The following BCL11B variants were observed in gnomAD, a reference collection of about 807,000 sequenced individuals.
The protein encoded by BCL11B is B-cell lymphoma/leukemia 11B.
BCL11B carries 8 observed loss-of-function variants against 49.9 expected under a neutral mutation model. That is an observed-to-expected ratio of 0.16 (90% CI 0.09 to 0.29). BCL11B has a LOEUF of 0.29. Among genes scored for constraint, BCL11B ranks in the 10% least tolerant of loss-of-function variants. The pLI is 1.00. For synonymous variants in BCL11B, 739 were observed against 637.4 expected (o/e 1.16, Z -2.40); for missense variants, 1,006 against 1,351.0 (o/e 0.74, Z 4.00).
intron 3 of BCL11B, among the ~76,000 whole-genome samples, chr14:99,179,388 C>T (rs1469778465): frequency 2.0e-5 from 3 of 146,388 alleles, no homozygotes; most frequent in Admixed American, 7.0e-5. Context: ...GCAGGAGAAT[C>T]GCTTGAACCC....
chr14:99,196,363 A>C (rs1887179331), intron 3 of BCL11B, among the ~76,000 whole-genome samples: 1 of 151,906 alleles, frequency 6.6e-6, no homozygotes, highest in Non-Finnish European at 1.5e-5. Flanking sequence ...CCTTCTGTGG[A>C]CCTGAAAAAA....
intron 2 of BCL11B, among the ~76,000 whole-genome samples, chr14:99,249,740 A>T (rs1888947464): frequency 6.6e-6 from 1 of 152,202 alleles, no homozygotes; most frequent in Non-Finnish European, 1.5e-5. Context: ...ATATTAGCAT[A>T]TCATAAGGTC....
chr14:99,253,220 A>G (rs1408082191), intron 2 of BCL11B, among the ~76,000 whole-genome samples: 1 of 152,166 alleles, frequency 6.6e-6, no homozygotes, highest in Non-Finnish European at 1.5e-5. Flanking sequence ...GTGCTCCCTC[A>G]CCTGAAACCC....
At chr14:99,198,797 G>T (rs985369245) in intron 3 of BCL11B, among the ~76,000 whole-genome samples, 1 of 152,012 alleles carries the variant, frequency 6.6e-6, no homozygotes, top group African/African-American at 2.4e-5. Flanking sequence ...CCCCACCCCC[G>T]GTCAGCACAG....
Position 99,171,504 on chromosome 14 carries a change from C to T in BCL11B, c.*2647G>A, listed in dbSNP as rs1393615984. 7.7e-5 allele frequency: 16 copies of T among 208,218 alleles called. No individual in the cohort carries two copies. Among genetic ancestry groups the T allele is most frequent in the Admixed American group, 6.0e-5 (1 of 16,804 alleles). The allele number at this position is 208,218 out of a possible 1,614,324, so 12.9% of individuals were successfully genotyped here. On this transcript the variant is annotated 3_prime_UTR_variant, in exon 4 of 4. Coordinates refer to ENST00000357195, the MANE Select transcript of BCL11B (RefSeq NM_138576.4). The stretch of plus-strand genomic sequence containing the variant: ...GGACAAGCTTACAGTTAAAAAATTA[C>T]GAGCTCCAGTAAAAATACAGCAAGT...
intron 1 of BCL11B, among the ~76,000 whole-genome samples, chr14:99,261,666 G>A (rs115882861): frequency 4.5e-4 from 69 of 152,338 alleles, no homozygotes; most frequent in African/African-American, 1.6e-3. Flanking sequence ...CTGCTTTCAT[G>A]AAAAGCTCCC....
At chr14:99,206,717 ATTG>A (rs1489683757) in intron 3 of BCL11B, among the ~76,000 whole-genome samples, 3 of 152,220 alleles carry the variant, frequency 2.0e-5, no homozygotes, top group Non-Finnish European at 4.4e-5. Flanking sequence ...ATTATTAATT[ATTG>A]TTGTTAATCT....
intron 2 of BCL11B, among the ~76,000 whole-genome samples, chr14:99,234,118 G>T (rs1457481341): frequency 6.6e-6 from 1 of 152,092 alleles, no homozygotes; most frequent in Non-Finnish European, 1.5e-5. Flanking sequence ...GCAAATCCAC[G>T]GACACAGAAA....
Position 99,232,850 on chromosome 14 carries a change from T to A in BCL11B, c.428-1293A>T, listed in dbSNP as rs1372044332. Among the ~76,000 whole-genome samples the A allele has an allele frequency of 6.6e-6, 1 of 151,980 alleles. No homozygotes were observed. Among genetic ancestry groups the A allele is most frequent in the Non-Finnish European group, 1.5e-5 (1 of 67,998 alleles). On this transcript the variant is annotated intron_variant, in intron 2 of 3. Coordinates refer to ENST00000357195, the MANE Select transcript of BCL11B (RefSeq NM_138576.4). The surrounding 1 kb of genome is among the most constrained non-coding windows in gnomAD (Gnocchi z 5.1). ...AGCCCTGGTTTCTCTAAAACATGGGTTATCCAGGATCAAGGCATCAGGGCA... is the reference window on the plus strand; with the variant it reads ...AGCCCTGGTTTCTCTAAAACATGGGATATCCAGGATCAAGGCATCAGGGCA...
At position 99,184,748 on chromosome 14, in the gene BCL11B, C is replaced by G. The variant is rs1034220968; in HGVS notation, c.641-8553G>C. Among the ~76,000 whole-genome samples the G allele has an allele frequency of 1.1e-4, 17 of 152,178 alleles. No homozygotes were observed. Among genetic ancestry groups the G allele is most frequent in the African/African-American group, 4.1e-4 (17 of 41,446 alleles). On this transcript the variant is annotated intron_variant, in intron 3 of 3. Coordinates refer to ENST00000357195, the MANE Select transcript of BCL11B (RefSeq NM_138576.4). This position sits in a 1 kb window ranked among gnomAD's most constrained non-coding sequence, Gnocchi z 6.1. The stretch of plus-strand genomic sequence containing the variant: ...CAGCAAGCCAGCCCGGGAGGCCAAG[C>G]TGAAGGCCTTCGAGGGCAGGAAATG...
intron 3 of BCL11B, among the ~76,000 whole-genome samples, chr14:99,188,748 G>C (rs1886934994): frequency 6.6e-6 from 1 of 152,224 alleles, no homozygotes; most frequent in Non-Finnish European, 1.5e-5. Context: ...CCGGGAGGAG[G>C]GCCAGGGGCT....
Position 99,175,376 on chromosome 14 carries a change from C to G in BCL11B, c.1460G>C (p.Arg487Pro). The G allele has an allele frequency of 6.3e-7, 1 of 1,587,436 alleles. No homozygotes were observed. The highest frequency in any genetic ancestry group is 8.5e-7 in the Non-Finnish European group (1 of 1,171,172). The change falls in exon 4 of 4, where the codon CGC becomes CCC. Residue 487 changes from arginine to proline, a missense_variant. Arg to Pro is a moderately radical substitution (Grantham distance 103). Around this residue, in one of 6 missense-constraint regions of BCL11B, gnomAD observed 443 missense variants for 499.7 expected, o/e 0.89. Coordinates refer to ENST00000357195, the MANE Select transcript of BCL11B (RefSeq NM_138576.4). ...GGCGGCCGAGAGCCCGTCGTCGGAG[C>G]GGCCGGCCAGCGAGCCGGCCTTGTG... ...HMHKAGSLAG[R>P]SDDGLSAASS...
At chr14:99,180,548 C>A (rs1472971439) in intron 3 of BCL11B, among the ~76,000 whole-genome samples, 1 of 152,146 alleles carries the variant, frequency 6.6e-6, no homozygotes, top group Non-Finnish European at 1.5e-5. Flanking sequence ...AGGAGGAATT[C>A]AGTCAATTCA....
In BCL11B at chr14:99,175,912, G is replaced by C. The variant is rs1301557972; in HGVS notation, c.924C>G (p.Gly308=). ...AGAGAGGCGGCGTGCCCGGCAGGCG[G>C]CCCTCGCCGAAGCCCGGGTGGTCCC... ...ILRDHPGFGE[G]RLPGTPPLFS... The change falls in exon 4 of 4, where the codon GGC becomes GGG. Residue 308 remains glycine, a synonymous_variant. Transcript: ENST00000357195. 1.4e-6 allele frequency: 2 copies of C among 1,449,114 alleles called. No individual in the cohort carries two copies. Among genetic ancestry groups the C allele is most frequent in the African/African-American group, 1.5e-5 (1 of 67,072 alleles). 89.8% of individuals were successfully genotyped at this position (1,449,114 alleles called of 1,614,324 possible).
At chr14:99,225,092 A>G (rs1423743281) in intron 3 of BCL11B, among the ~76,000 whole-genome samples, 2 of 152,140 alleles carry the variant, frequency 1.3e-5, no homozygotes, top group African/African-American at 2.4e-5. Flanking sequence ...CAGGGTTCAC[A>G]CCAAGCCTCA....
intron 3 of BCL11B, among the ~76,000 whole-genome samples, chr14:99,179,109 G>A (rs1484953447): frequency 6.6e-6 from 1 of 152,178 alleles, no homozygotes; most frequent in African/African-American, 2.4e-5. Flanking sequence ...AACTCAAAAG[G>A]GCAGTTACTG....
intron 3 of BCL11B, among the ~76,000 whole-genome samples, chr14:99,179,017 A>T (rs1166835169): frequency 6.6e-6 from 1 of 152,206 alleles, no homozygotes; most frequent in Non-Finnish European, 1.5e-5. Flanking sequence ...GAACATGGCT[A>T]TCAGAGGAAA....
Position 99,231,314 on chromosome 14 carries a change from G to A in BCL11B, c.640+31C>T. On this transcript the variant is annotated intron_variant, in intron 3 of 3. Transcript: ENST00000357195. This position sits in a 1 kb window ranked among gnomAD's most constrained non-coding sequence, Gnocchi z 8.1. The stretch of plus-strand genomic sequence containing the variant: ...CATGGCACACCCCGCCATCCCGGGG[G>A]CCCGCCCCCCACCGCGGCGTCGTCT... The A allele has an allele frequency of 6.3e-6, 10 of 1,599,936 alleles. No individual in the cohort carries two copies. The highest frequency in any genetic ancestry group is 8.5e-6 in the Non-Finnish European group (10 of 1,174,030).
Position 99,262,718 on chromosome 14 carries a change from C to T in BCL11B, c.59-4879G>A, listed in dbSNP as rs950522624. ...CGAAGAGATCTTTTCATCTCCTCTC[C>T]GTGAACACTTGGGGAGGGGCTGGGA... On this transcript the variant is annotated intron_variant, in intron 1 of 3. Coordinates refer to ENST00000357195, the MANE Select transcript of BCL11B (RefSeq NM_138576.4). The surrounding 1 kb of genome is among the most constrained non-coding windows in gnomAD (Gnocchi z 4.2). Among the ~76,000 whole-genome samples, 2 of 152,162 alleles carry T rather than the reference C, an allele frequency of 1.3e-5. No individual in the cohort carries two copies. The highest frequency in any genetic ancestry group is 1.3e-4 in the Admixed American group (2 of 15,278).
Sources: allele counts gnomAD v4.1 joint callset (sites outside exome capture counted in the v4.1 genomes callset), GRCh38; gene constraint gnomAD v4.1.1; regional missense constraint gnomAD v4.1.1; non-coding constraint Gnocchi (gnomAD v3.1); transcripts MANE v1.5; gene names NCBI Gene and HGNC (gene_info 2026-07-23, HGNC 2026-07-21).